The following CEP112 variants were observed in gnomAD, a reference collection of about 807,000 sequenced individuals.
CEP112 encodes the protein centrosomal protein of 112 kDa.
A neutral mutation model predicts 153.0 loss-of-function variants in CEP112; 127 were observed. The ratio of observed to expected loss-of-function variants is 0.83; its 90% CI spans 0.72 to 0.96. The LOEUF is 0.96. Ranked by LOEUF, CEP112 falls within the 40% of genes least tolerant of loss-of-function variation. CEP112 has a pLI of 0.00. For missense variants in CEP112, 1,089 were observed against 1,101.2 expected, an observed-to-expected ratio of 0.99 and a Z score of 0.16; for synonymous variants, 358 against 374.4, an observed-to-expected ratio of 0.96 and a Z score of 0.51.
At chr17:65,868,362 T>C (rs2058549574) in intron 20 of CEP112, among the ~76,000 whole-genome samples, 1 of 152,030 alleles carries the variant, frequency 6.6e-6, no homozygotes, top group African/African-American at 2.4e-5. Flanking sequence ...TAACTGGGCA[T>C]GGTGCTGGAC....
intron 11 of CEP112, among the ~76,000 whole-genome samples, chr17:66,054,416 T>C (rs559182527): frequency 1.7e-4 from 26 of 152,292 alleles, no homozygotes; most frequent in Non-Finnish European, 3.7e-4. Context: ...TCAAACAATA[T>C]GGGTAGGATG....
At chr17:65,645,102 T>C (rs2045362084) in intron 24 of CEP112, among the ~76,000 whole-genome samples, 1 of 151,864 alleles carries the variant, frequency 6.6e-6, no homozygotes, top group Non-Finnish European at 1.5e-5. Context: ...ATTACTTGTA[T>C]TTTATTATAT....
At position 66,028,408 on chromosome 17, in the gene CEP112, A is replaced by T. The variant is rs780421919; in HGVS notation, c.1504-3T>A. On this transcript the variant is annotated splice_polypyrimidine_tract_variant and splice_region_variant and intron_variant, in intron 14 of 26. Coordinates refer to ENST00000535342, the MANE Select transcript of CEP112 (RefSeq NM_001199165.4). ...AATTCTTCAATCATACTAGATGCCT[A>T]CAAGGATTTTAAGAAGAATAAAAAG... The T allele has an allele frequency of 2.0e-6, 3 of 1,516,740 alleles. No individual in the cohort carries two copies. Among genetic ancestry groups the T allele is most frequent in the Middle Eastern group, 1.7e-4 (1 of 5,818 alleles). The allele number at this position is 1,516,740 out of a possible 1,614,324, so 94.0% of individuals were successfully genotyped here.
rs2052161758 is a variant in CEP112 at position 65,755,040 on chromosome 17, TAACTA to T, written c.2395-4321_2395-4317del. 5.3e-5 allele frequency among the ~76,000 whole-genome samples: 8 copies of T among 152,048 alleles called. No homozygotes were observed. In the South Asian group the frequency reaches 1.7e-3, roughly 32 times the overall value. ...ACCACCATGGCACACGTTTACTATGTAACTAAACTGCACATCCTGTACATGTAGCC... is the reference window on the plus strand; with the variant it reads ...ACCACCATGGCACACGTTTACTATGTAACTGCACATCCTGTACATGTAGCC... On this transcript the variant is annotated intron_variant, in intron 21 of 26. Transcript: ENST00000535342.
rs559518412 is a variant in CEP112 at position 65,675,721 on chromosome 17, T to TA, written c.2697+13407dup. ...AGTAGACCAAAATCCATCTACAGGT[T>TA]AAAAAAAAGGGATAACAAATGGGAT... On this transcript the variant is annotated intron_variant, in intron 24 of 26. Coordinates refer to ENST00000535342, the MANE Select transcript of CEP112 (RefSeq NM_001199165.4). Among the ~76,000 whole-genome samples the TA allele has an allele frequency of 6.0e-5, 9 of 151,060 alleles. No individual in the cohort carries two copies. In the South Asian group the frequency reaches 1.0e-3, roughly 17 times the overall value.
chr17:65,997,899 G>C (rs1485188729), intron 17 of CEP112, among the ~76,000 whole-genome samples: 3 of 151,892 alleles, frequency 2.0e-5, no homozygotes, highest in Non-Finnish European at 2.9e-5. Flanking sequence ...GGCTACCTTA[G>C]CTTAGGTCTC....
At chr17:65,993,014 T>G (rs1264874967) in intron 17 of CEP112, among the ~76,000 whole-genome samples, 1 of 152,162 alleles carries the variant, frequency 6.6e-6, no homozygotes, top group Non-Finnish European at 1.5e-5. Context: ...GCCATGGTGA[T>G]TTGCTGCACC....
At chr17:65,739,515 C>CAGGAGTTTG (rs2051001861) in intron 23 of CEP112, among the ~76,000 whole-genome samples, 1 of 152,040 alleles carries the variant, frequency 6.6e-6, no homozygotes, top group South Asian at 2.1e-4. Flanking sequence ...GTGGGCAGGT[C>CAGGAGTTTG]ACCTGAGGTC....
chr17:65,684,207 C>T (rs1477080160), intron 24 of CEP112, among the ~76,000 whole-genome samples: 1 of 152,170 alleles, frequency 6.6e-6, no homozygotes, highest in Non-Finnish European at 1.5e-5. Flanking sequence ...TAGCAAAATA[C>T]ACCTGTTAAA....
chr17:65,719,024 A>C (rs1400618261), intron 23 of CEP112, among the ~76,000 whole-genome samples: 1 of 152,236 alleles, frequency 6.6e-6, no homozygotes, highest in East Asian at 1.9e-4. Flanking sequence ...TAAGAAGTTA[A>C]ATTTCTTGTT....
intron 4 of CEP112, among the ~76,000 whole-genome samples, chr17:66,153,961 G>A (rs995337772): frequency 1.1e-4 from 17 of 148,510 alleles, no homozygotes; most frequent in Non-Finnish European, 1.5e-4. Context: ...TCAGGAGTTC[G>A]AGACCAGCCT....
chr17:65,991,159 G>A (rs1020063741), intron 17 of CEP112, among the ~76,000 whole-genome samples: 1 of 152,090 alleles, frequency 6.6e-6, no homozygotes, highest in African/African-American at 2.4e-5. Context: ...CCACGACAAA[G>A]AATAAACTTT....
Position 66,183,903 on chromosome 17 carries a change from A to T in CEP112, c.-8-596T>A, listed in dbSNP as rs561074040. Among the ~76,000 whole-genome samples the T allele has an allele frequency of 5.9e-5, 9 of 152,264 alleles. No individual in the cohort carries two copies. The South Asian group carries it at 1.2e-3, about 21-fold the overall frequency. On this transcript the variant is annotated intron_variant, in intron 1 of 26. Coordinates refer to ENST00000535342, the MANE Select transcript of CEP112 (RefSeq NM_001199165.4). Reference sequence around the variant, plus strand: ...AAAGCATGGGAGGAAATCTTTGCAAACTTGAGTAAGGCTAAGATTTCTTAT... The same window carrying T: ...AAAGCATGGGAGGAAATCTTTGCAATCTTGAGTAAGGCTAAGATTTCTTAT...
intron 18 of CEP112, among the ~76,000 whole-genome samples, chr17:65,949,513 G>A (rs2061750423): frequency 1.3e-5 from 2 of 152,176 alleles, no homozygotes; most frequent in South Asian, 2.1e-4. Flanking sequence ...TATGTGGGGG[G>A]AATTTGAGGG....
chr17:66,026,014 ACAACT>A, intron 16 of CEP112, among the ~76,000 whole-genome samples: 1 of 151,840 alleles, frequency 6.6e-6, no homozygotes, highest in South Asian at 2.1e-4. Flanking sequence ...CTTAAATGAA[ACAACT>A]CAGAAAGGGA....
rs140971247 is a variant in CEP112, at chr17:66,078,127, C to A, written c.769-8126G>T. 4.4e-4 allele frequency among the ~76,000 whole-genome samples: 67 copies of A among 152,226 alleles called. 1 individual carries two copies. The Middle Eastern group carries it at 0.01, about 23-fold the overall frequency. Reference sequence around the variant, plus strand: ...ACAGCACCATTTGTTGAAAAGGGTGCCCCTTTCCCCACTTTATGTTTTTGT... The same window carrying A: ...ACAGCACCATTTGTTGAAAAGGGTGACCCTTTCCCCACTTTATGTTTTTGT... On this transcript the variant is annotated intron_variant, in intron 8 of 26. Coordinates refer to ENST00000535342, the MANE Select transcript of CEP112 (RefSeq NM_001199165.4).
intron 8 of CEP112, among the ~76,000 whole-genome samples, chr17:66,071,550 A>T (rs2067307705): frequency 6.6e-6 from 1 of 152,128 alleles, no homozygotes; most frequent in Non-Finnish European, 1.5e-5. Context: ...ATACCATGTG[A>T]GTGTGCTACC....
intron 21 of CEP112, among the ~76,000 whole-genome samples, chr17:65,792,266 A>G (rs185149075): frequency 1.1e-4 from 16 of 152,322 alleles, no homozygotes; most frequent in South Asian, 4.1e-4. Flanking sequence ...AGCATAAGAA[A>G]AAAACCTTCT....
At chr17:65,897,860 T>C (rs956421437) in intron 20 of CEP112, among the ~76,000 whole-genome samples, 4 of 152,014 alleles carry the variant, frequency 2.6e-5, no homozygotes, top group African/African-American at 7.2e-5. Flanking sequence ...TTGGTCAATG[T>C]CCTTTATATT....
Sources: allele counts gnomAD v4.1 joint callset (sites outside exome capture counted in the v4.1 genomes callset), GRCh38; gene constraint gnomAD v4.1.1; transcripts MANE v1.5; gene names NCBI Gene and HGNC (gene_info 2026-07-23, HGNC 2026-07-21).